Variants in WDSUB1 observed in about 807,000 individuals in gnomAD.
WDSUB1 encodes the protein WD repeat, sterile alpha motif and U-box domain containing 1, also known as WD repeat, SAM and U-box domain-containing protein 1.
Under a neutral mutation model 53.9 loss-of-function variants are expected in WDSUB1, and 49 were observed. The observed-to-expected ratio is 0.91, with a 90% CI of 0.72 to 1.15. WDSUB1 has a LOEUF of 1.15. Among genes scored for constraint, WDSUB1 ranks in the 50% most tolerant of loss-of-function variants. The pLI is 0.00. For synonymous variants in WDSUB1, 194 were observed against 200.6 expected (o/e 0.97, Z 0.28); for missense variants, 514 against 562.0 (o/e 0.91, Z 0.86).
chr2:159,257,984 T>C lies in WDSUB1; in HGVS notation c.806A>G (p.Asn269Ser). 6.2e-7 allele frequency: 1 copy of C among 1,612,424 alleles called. No individual in the cohort carries two copies. ...VDKSVIVYDT[N>S]TENILHTLTQ... ...CAATGTGTGAAGTATATTCTCAGTA[T>C]TCTGAAAAACAATAAAAACAGCTTT... The change falls in exon 7 of 11, where the codon AAT (asparagine) becomes AGT (serine). Residue 269 changes from asparagine to serine, a missense_variant and splice_region_variant. By Grantham distance (46) the Asn-to-Ser change is conservative (BLOSUM62 1). Transcript: ENST00000359774.
chr2:159,281,877 C>T (rs1388615528), intron 2 of WDSUB1, among the ~76,000 whole-genome samples: 3 of 151,950 alleles, frequency 2.0e-5, no homozygotes, highest in African/African-American at 4.8e-5. Flanking sequence ...CTCGGGAGGC[C>T]GAGGCAGGAG....
At chr2:159,278,621 C>G (rs1010726060) in intron 3 of WDSUB1, among the ~76,000 whole-genome samples, 1 of 152,142 alleles carries the variant, frequency 6.6e-6, no homozygotes, top group African/African-American at 2.4e-5. Flanking sequence ...CAGCCAAATT[C>G]TAAAGGATAT....
At chr2:159,269,165 A>ATTTTTT (rs11324784) in intron 5 of WDSUB1, among the ~76,000 whole-genome samples, 4 of 108,324 alleles carry the variant, frequency 3.7e-5, no homozygotes, top group Non-Finnish European at 5.9e-5. Context: ...CTTTCCACAG[A>ATTTTTT]TTTTTTTTTT....
chr2:159,238,279 GGAATTTACTTACAAA>G (rs1256231791), intron 10 of WDSUB1, among the ~76,000 whole-genome samples: 1 of 38,692 alleles, frequency 2.6e-5, no homozygotes, highest in Non-Finnish European at 7.3e-5. Context: ...ATTCTATCAA[GGAATTTACTTACAAA>G]TTCTATCAAG....
At chr2:159,259,890 T>C in intron 5 of WDSUB1, 47 bp from the exon 6 acceptor site, 1 of 1,432,444 alleles carries the variant, frequency 7.0e-7, no homozygotes, top group Non-Finnish European at 9.4e-7. Context: ...AAAAACAAAG[T>C]ACAGCATTTA....
intron 6 of WDSUB1, among the ~76,000 whole-genome samples, chr2:159,258,973 A>G (rs2061129171): frequency 6.6e-6 from 1 of 152,146 alleles, no homozygotes; most frequent in Non-Finnish European, 1.5e-5. Flanking sequence ...TGGCATAGCT[A>G]CAGCATTAGG....
In WDSUB1 at chr2:159,243,181, G is replaced by C. The variant is rs748788772; in HGVS notation, c.1273+5191C>G. 2.4e-4 allele frequency among the ~76,000 whole-genome samples: 36 copies of C among 147,744 alleles called. 2 individuals carry two copies. Among genetic ancestry groups the C allele is most frequent in the Admixed American group, 8.6e-4 (13 of 15,104 alleles). On this transcript the variant is annotated intron_variant, in intron 10 of 10. Coordinates refer to ENST00000359774, the MANE Select transcript of WDSUB1 (RefSeq NM_001128212.3). Reference sequence around the variant, plus strand: ...ACACAGGAAGGTTAAAAATAAATGAGTGGTAAGTCTACAGGGATTACGCTA... The same window carrying C: ...ACACAGGAAGGTTAAAAATAAATGACTGGTAAGTCTACAGGGATTACGCTA...
intron 1 of WDSUB1, among the ~76,000 whole-genome samples, chr2:159,284,892 A>G (rs2061754538): frequency 1.3e-5 from 2 of 152,100 alleles, no homozygotes; most frequent in Non-Finnish European, 2.9e-5. Context: ...GGTTTTCTCA[A>G]GCTGAAATGT....
Position 159,253,364 on chromosome 2 carries a change from GGCTTC to G in WDSUB1, c.1132+2827_1132+2831del, listed in dbSNP as rs879858911. On this transcript the variant is annotated intron_variant, in intron 9 of 10. Transcript: ENST00000359774. Reference sequence around the variant, plus strand: ...AAAGCTGTACGTCTATTGTACCCTAGGCTTCCATTAACACAATCCTAGAAAATGAC... The same window carrying G: ...AAAGCTGTACGTCTATTGTACCCTAGCATTAACACAATCCTAGAAAATGAC... Among the ~76,000 whole-genome samples the G allele has an allele frequency of 6.1e-3, 930 of 152,218 alleles. 18 individuals are homozygous for G. The East Asian group carries it at 0.1, about 17-fold the overall frequency.
chr2:159,261,872 ATATATATATATATATATATATATATTTTT>A (rs1168712698), intron 5 of WDSUB1, among the ~76,000 whole-genome samples: 17 of 14,388 alleles, frequency 1.2e-3, no homozygotes, highest in Admixed American at 9.4e-3. Flanking sequence ...ATATATATAT[ATATATATATATATATATATATATATTTTT>A]TTTTTTTTTT....
intron 6 of WDSUB1, among the ~76,000 whole-genome samples, chr2:159,259,234 A>G (rs1288222085): frequency 6.6e-6 from 1 of 152,202 alleles, no homozygotes; most frequent in Non-Finnish European, 1.5e-5. Context: ...CATGTTGGCC[A>G]GGCTGGTCTT....
chr2:159,257,897 T>G, intron 7 of WDSUB1, 33 bp from the exon 8 acceptor site: 1 of 1,610,178 alleles, frequency 6.2e-7, no homozygotes, highest in Non-Finnish European at 8.5e-7. Flanking sequence ...ATGTATCTTC[T>G]GACTAATTTT....
intron 9 of WDSUB1, among the ~76,000 whole-genome samples, chr2:159,250,139 T>C (rs889582730): frequency 2.1e-5 from 3 of 144,680 alleles, no homozygotes; most frequent in Admixed American, 1.4e-4. Context: ...GAACCTGAAG[T>C]GCAAGTGTCT....
At chr2:159,261,894 ATATTTTTTTTTTTTTTTTTTTT>A (rs2061233442) in intron 5 of WDSUB1, among the ~76,000 whole-genome samples, 3 of 13,312 alleles carry the variant, frequency 2.3e-4, no homozygotes, top group Non-Finnish European at 3.2e-4. Flanking sequence ...ATATATATAT[ATATTTTTTTTTTTTTTTTTTTT>A]TTTTTTTTTT....
At chr2:159,280,131 A>G (rs931263531) in intron 2 of WDSUB1, among the ~76,000 whole-genome samples, 186 bp from the exon 3 acceptor site, 1 of 152,192 alleles carries the variant, frequency 6.6e-6, no homozygotes, top group Admixed American at 6.5e-5. Context: ...TATACTGTCT[A>G]AAAGCAAGGG....
At chr2:159,255,159 A>G (rs550708326) in intron 9 of WDSUB1, among the ~76,000 whole-genome samples, 2 of 151,844 alleles carry the variant, frequency 1.3e-5, no homozygotes, top group African/African-American at 4.8e-5. Context: ...CCCCCACACA[A>G]AAAGAGATAG....
chr2:159,277,655 G>A (rs1175433954), intron 3 of WDSUB1, among the ~76,000 whole-genome samples: 1 of 152,118 alleles, frequency 6.6e-6, no homozygotes, highest in African/African-American at 2.4e-5. Flanking sequence ...TCAGCAAAAT[G>A]TCACAAGATG....
chr2:159,240,428 T>C (rs1005518461), intron 10 of WDSUB1, among the ~76,000 whole-genome samples: 9 of 152,138 alleles, frequency 5.9e-5, no homozygotes, highest in Non-Finnish European at 1.2e-4. Flanking sequence ...TTCCAGACTG[T>C]TTTCAACAGC....
intron 4 of WDSUB1, among the ~76,000 whole-genome samples, chr2:159,272,487 A>G (rs1306590710): frequency 6.6e-6 from 1 of 152,186 alleles, no homozygotes; most frequent in Admixed American, 6.5e-5. Context: ...AAAGGAGCAA[A>G]CATGGCTTCT....
Sources: allele counts gnomAD v4.1 joint callset (sites outside exome capture counted in the v4.1 genomes callset), GRCh38; gene constraint gnomAD v4.1.1; transcripts MANE v1.5; gene names NCBI Gene and HGNC (gene_info 2026-07-23, HGNC 2026-07-21).